Variants in NRXN3 observed in about 807,000 individuals in gnomAD.
NRXN3 encodes neurexin III.
In NRXN3, 32 loss-of-function variants were observed where a neutral mutation model predicts 137.6. That is an observed-to-expected ratio of 0.23 (90% CI 0.18 to 0.31). The LOEUF (loss-of-function observed/expected upper bound fraction) is 0.31, where lower values mean the gene tolerates loss of function less well. NRXN3 is among the 10% of genes least tolerant of loss of function. NRXN3 has a pLI of 1.00. For missense variants in NRXN3, 1,574 were observed against 2,062.5 expected (o/e 0.76, Z 4.59); for synonymous variants, 798 against 784.5 (o/e 1.02, Z -0.29).
At chr14:79,060,190 G>A (rs189544052) in intron 15 of NRXN3, among the ~76,000 whole-genome samples, 111 of 152,320 alleles carry the variant, frequency 7.3e-4, no homozygotes, top group Non-Finnish European at 2.6e-4. Flanking sequence ...TCAATGTTCT[G>A]TTGGAGGAGA....
Position 79,105,282 on chromosome 14 carries a change from CA to C in NRXN3, c.3262+117144del, listed in dbSNP as rs1265828503. On this transcript the variant is annotated intron_variant, in intron 15 of 20. Coordinates refer to ENST00000335750, the MANE Select transcript of NRXN3 (RefSeq NM_001330195.2). Reference sequence around the variant, plus strand: ...GTCTTATGCACAGGTATTATCTCTACAAACCATCTCAAGCCAAAAAAAGAAC... The same window carrying C: ...GTCTTATGCACAGGTATTATCTCTACAACCATCTCAAGCCAAAAAAAGAAC... 9.2e-5 allele frequency among the ~76,000 whole-genome samples: 14 copies of C among 152,240 alleles called. 1 individual carries two copies. In the South Asian group the frequency reaches 2.9e-3, roughly 32 times the overall value.
chr14:78,331,843 G>C (rs1202865348), intron 4 of NRXN3, among the ~76,000 whole-genome samples: 1 of 152,182 alleles, frequency 6.6e-6, no homozygotes, highest in East Asian at 1.9e-4. Flanking sequence ...GTTTTGTCCT[G>C]AGATCTGGAA....
intron 19 of NRXN3, among the ~76,000 whole-genome samples, chr14:79,752,193 A>G (rs1603462630): frequency 6.6e-6 from 1 of 151,004 alleles, no homozygotes; most frequent in East Asian, 1.9e-4. Context: ...CTGTGAATCC[A>G]TCTGGTCCTG....
In NRXN3 at chr14:79,602,959, C is replaced by T. The variant is rs142498527; in HGVS notation, c.3445-60819C>T. Reference sequence around the variant, plus strand: ...TTATTCCGTGGGCTGCTCACCTCCCCTGTGTGGAGCCTGGGAGCCTCTGAA... The same window carrying T: ...TTATTCCGTGGGCTGCTCACCTCCCTTGTGTGGAGCCTGGGAGCCTCTGAA... On this transcript the variant is annotated intron_variant, in intron 16 of 20. Coordinates refer to ENST00000335750, the MANE Select transcript of NRXN3 (RefSeq NM_001330195.2). Among the ~76,000 whole-genome samples the T allele has an allele frequency of 3.6e-3, 545 of 152,284 alleles. 5 individuals carry two copies. Among genetic ancestry groups the T allele is most frequent in the African/African-American group, 0.012 (506 of 41,546 alleles).
At chr14:78,724,325 A>G (rs375068306) in intron 8 of NRXN3, among the ~76,000 whole-genome samples, 2 of 152,370 alleles carry the variant, frequency 1.3e-5, no homozygotes, top group South Asian at 2.1e-4. Flanking sequence ...GACTGTTAAG[A>G]GGAAAAAGCA....
intron 10 of NRXN3, among the ~76,000 whole-genome samples, chr14:78,943,849 T>C (rs867391840): frequency 9.3e-5 from 14 of 150,286 alleles, no homozygotes; most frequent in Admixed American, 3.3e-4. Flanking sequence ...GATGCAGACA[T>C]GGGCATTTTA....
intron 4 of NRXN3, among the ~76,000 whole-genome samples, chr14:78,591,008 A>G (rs1414948379): frequency 6.6e-6 from 1 of 152,210 alleles, no homozygotes; most frequent in East Asian, 1.9e-4. Flanking sequence ...AGTAAATGCT[A>G]TGTCTGCAAA....
At chr14:79,041,996 C>A (rs889328383) in intron 15 of NRXN3, among the ~76,000 whole-genome samples, 5 of 152,106 alleles carry the variant, frequency 3.3e-5, no homozygotes, top group African/African-American at 1.2e-4. Flanking sequence ...AGCAAAAGGA[C>A]AAGGCAACAC....
At chr14:78,756,436 C>G (rs1484762445) in intron 8 of NRXN3, among the ~76,000 whole-genome samples, 1 of 151,094 alleles carries the variant, frequency 6.6e-6, no homozygotes, top group Non-Finnish European at 1.5e-5. Flanking sequence ...TGCAGTGAGC[C>G]AAGATCGTGC....
At chr14:78,684,697 G>A (rs1332703817) in intron 6 of NRXN3, among the ~76,000 whole-genome samples, 1 of 152,156 alleles carries the variant, frequency 6.6e-6, no homozygotes, top group Non-Finnish European at 1.5e-5. Flanking sequence ...AGGAGGCTGA[G>A]GCAGGAGGGT....
chr14:79,799,567 C>T (rs148132705), intron 19 of NRXN3, among the ~76,000 whole-genome samples: 22 of 152,244 alleles, frequency 1.4e-4, no homozygotes, highest in African/African-American at 5.1e-4. Context: ...TCATTCTAGT[C>T]CATCCCTTCC....
chr14:78,501,398 T>C (rs1475249715), intron 4 of NRXN3, among the ~76,000 whole-genome samples: 2 of 152,156 alleles, frequency 1.3e-5, no homozygotes, highest in Non-Finnish European at 2.9e-5. Flanking sequence ...GACCTTTCCA[T>C]AGAGCGGCCC....
chr14:78,818,556 T>C (rs1417270101), intron 10 of NRXN3, among the ~76,000 whole-genome samples: 1 of 152,136 alleles, frequency 6.6e-6, no homozygotes, highest in Non-Finnish European at 1.5e-5. Context: ...AAATAAGAGA[T>C]TTCTGACAAA....
chr14:78,966,508 C>A, intron 12 of NRXN3, 102 bp downstream of exon 12: 1 of 1,233,534 alleles, frequency 8.1e-7, no homozygotes, highest in Non-Finnish European at 1.1e-6. Flanking sequence ...ACTCCCTACC[C>A]TCCATTCCTG....
chr14:79,154,821 G>C (rs552864008), intron 15 of NRXN3, among the ~76,000 whole-genome samples: 1 of 151,902 alleles, frequency 6.6e-6, no homozygotes, highest in African/African-American at 2.4e-5. Context: ...GTAATGAAAC[G>C]TAATCCAATG....
intron 4 of NRXN3, among the ~76,000 whole-genome samples, chr14:78,632,863 A>G (rs2097533495): frequency 6.6e-6 from 1 of 152,166 alleles, no homozygotes; most frequent in African/African-American, 2.4e-5. Flanking sequence ...TTGAAGCATA[A>G]TACAGGTTCA....
intron 15 of NRXN3, among the ~76,000 whole-genome samples, chr14:79,240,144 T>C (rs963586788): frequency 6.6e-6 from 1 of 152,204 alleles, no homozygotes; most frequent in African/African-American, 2.4e-5. Flanking sequence ...AACATCACTG[T>C]GTACCATACA....
chr14:78,987,909 A>C, intron 14 of NRXN3, 113 bp from the exon 15 acceptor site: 1 of 1,237,022 alleles, frequency 8.1e-7, no homozygotes, highest in Non-Finnish European at 1.1e-6. Context: ...GTGTGTCTTC[A>C]AATGTTTGGG....
At chr14:79,353,943 ATC>A (rs1206755093) in intron 15 of NRXN3, among the ~76,000 whole-genome samples, 1 of 152,132 alleles carries the variant, frequency 6.6e-6, no homozygotes, top group African/African-American at 2.4e-5. Flanking sequence ...CAATGGGCAA[ATC>A]TGACATGTTT....
Sources: gnomAD v4.1 joint callset for allele counts (sites outside exome capture counted in the v4.1 genomes callset) on GRCh38, gnomAD v4.1.1 for gene constraint, MANE v1.5 for transcripts, NCBI Gene and HGNC (gene_info 2026-07-23, HGNC 2026-07-21) for gene names.